The following GRID2 variants were observed in gnomAD, a reference collection of about 807,000 sequenced individuals.
The protein encoded by GRID2 is glutamate receptor ionotropic, delta-2.
In GRID2, 33 loss-of-function variants were observed where a neutral mutation model predicts 114.8. The ratio of observed to expected loss-of-function variants is 0.29; its 90% CI spans 0.22 to 0.38. The LOEUF is 0.38. Among genes scored for constraint, GRID2 ranks in the 10% least tolerant of loss-of-function variants. The pLI, the probability that GRID2 is intolerant of heterozygous loss-of-function variation, is 1.00. For synonymous variants in GRID2, 505 were observed against 449.9 expected (o/e 1.12, Z -1.55); for missense variants, 1,184 against 1,257.7 (o/e 0.94, Z 0.89).
intron 1 of GRID2, among the ~76,000 whole-genome samples, chr4:92,382,508 G>A (rs1326993315): frequency 6.6e-6 from 1 of 151,998 alleles, no homozygotes; most frequent in Admixed American, 6.6e-5. Context: ...GTTGAAAAAT[G>A]TAGGTGTATG....
chr4:92,941,567 C>T (rs1751134558), intron 2 of GRID2, among the ~76,000 whole-genome samples: 1 of 152,022 alleles, frequency 6.6e-6, no homozygotes, highest in Non-Finnish European at 1.5e-5. Context: ...TCTCTATTTC[C>T]TTCAGTTCTG....
At chr4:93,567,852 C>A (rs1735581927) in intron 13 of GRID2, among the ~76,000 whole-genome samples, 1 of 152,168 alleles carries the variant, frequency 6.6e-6, no homozygotes, top group African/African-American at 2.4e-5. Context: ...AGTGAAAATG[C>A]ATTTGGATTT....
intron 2 of GRID2, chr4:92,822,399 T>TC: frequency 1.7e-6 from 1 of 591,502 alleles, no homozygotes; most frequent in East Asian, 4.4e-5. Flanking sequence ...TTAGCCAGAT[T>TC]CCGTACCTTG....
At chr4:93,139,559 C>A (rs1264370447) in intron 4 of GRID2, among the ~76,000 whole-genome samples, 1 of 152,190 alleles carries the variant, frequency 6.6e-6, no homozygotes, top group Non-Finnish European at 1.5e-5. Context: ...TCCATACTGT[C>A]CTATTATAAC....
At chr4:92,523,979 G>A (rs779649829) in intron 1 of GRID2, among the ~76,000 whole-genome samples, 1 of 151,966 alleles carries the variant, frequency 6.6e-6, no homozygotes, top group Admixed American at 6.6e-5. Flanking sequence ...TCCCATAGAA[G>A]GTAAGATGTG....
intron 12 of GRID2, among the ~76,000 whole-genome samples, chr4:93,491,543 G>T (rs1397534285): frequency 6.6e-6 from 1 of 151,758 alleles, no homozygotes; most frequent in Non-Finnish European, 1.5e-5. Context: ...TGCCTTATTA[G>T]AACATAATGT....
At chr4:93,477,345 T>C (rs1331935080) in intron 11 of GRID2, among the ~76,000 whole-genome samples, 1 of 152,140 alleles carries the variant, frequency 6.6e-6, no homozygotes, top group African/African-American at 2.4e-5. Context: ...AATTTCAGTA[T>C]GAATGTTCGG....
intron 2 of GRID2, among the ~76,000 whole-genome samples, chr4:92,783,033 G>A (rs1173841598): frequency 1.3e-5 from 2 of 152,010 alleles, no homozygotes; most frequent in African/African-American, 4.8e-5. Flanking sequence ...TATTATCAAT[G>A]TGTTGGTAAA....
At chr4:93,463,716 G>A (rs951328103) in intron 11 of GRID2, among the ~76,000 whole-genome samples, 8 of 151,660 alleles carry the variant, frequency 5.3e-5, no homozygotes, top group Middle Eastern at 3.6e-3. Flanking sequence ...CTGGCTGGGC[G>A]CGGTGGCTCA....
chr4:93,593,017 C>T (rs1338065417), intron 13 of GRID2, among the ~76,000 whole-genome samples: 1 of 151,636 alleles, frequency 6.6e-6, no homozygotes, highest in East Asian at 1.9e-4. Flanking sequence ...ATCCAATTTG[C>T]CAGTCTGTGT....
chr4:92,803,300 A>G (rs1022077429), intron 2 of GRID2, among the ~76,000 whole-genome samples: 1 of 152,014 alleles, frequency 6.6e-6, no homozygotes, highest in Non-Finnish European at 1.5e-5. Flanking sequence ...GGTGTAATTC[A>G]GGAGTTTTCC....
intron 1 of GRID2, among the ~76,000 whole-genome samples, chr4:93,781,066 G>C (rs1397626557): frequency 2.0e-5 from 3 of 152,204 alleles, no homozygotes; most frequent in Admixed American, 6.5e-5. Context: ...AAATTCAGAT[G>C]CCAGAAAGAT....
At chr4:92,800,798 T>G (rs1033648302) in intron 2 of GRID2, among the ~76,000 whole-genome samples, 2 of 151,942 alleles carry the variant, frequency 1.3e-5, no homozygotes, top group Non-Finnish European at 2.9e-5. Flanking sequence ...CTTGGACAGA[T>G]TTAGACCCAA....
intron 4 of GRID2, among the ~76,000 whole-genome samples, chr4:93,136,861 C>T (rs1298788158): frequency 6.6e-6 from 1 of 152,004 alleles, no homozygotes; most frequent in Non-Finnish European, 1.5e-5. Context: ...AAATACTATC[C>T]AAATCTTAAA....
intron 4 of GRID2, among the ~76,000 whole-genome samples, chr4:93,174,175 TG>T (rs1437239343): frequency 1.3e-5 from 2 of 152,174 alleles, no homozygotes; most frequent in Non-Finnish European, 1.5e-5. Context: ...GCAGTGTTAT[TG>T]TATGTGTAGT....
chr4:92,928,764 A>G (rs1051759087), intron 2 of GRID2, among the ~76,000 whole-genome samples: 2 of 151,630 alleles, frequency 1.3e-5, no homozygotes, highest in African/African-American at 4.8e-5. Flanking sequence ...CATAGGTAAG[A>G]GATGTTTCCC....
intron 1 of GRID2, among the ~76,000 whole-genome samples, chr4:92,546,787 G>GA (rs1284525581): frequency 3.3e-5 from 5 of 152,028 alleles, no homozygotes; most frequent in Admixed American, 3.3e-4. Context: ...GCCTACAAAG[G>GA]AAAAAATAAT....
chr4:93,715,774 T>C (rs895564429), intron 14 of GRID2, among the ~76,000 whole-genome samples: 1 of 152,198 alleles, frequency 6.6e-6, no homozygotes, highest in Non-Finnish European at 1.5e-5. Context: ...TTTTTGCACA[T>C]TGATTTTGTA....
At chr4:93,597,485 G>A (rs67004210) in intron 13 of GRID2, among the ~76,000 whole-genome samples, 10,285 of 152,138 alleles carry the variant, frequency 0.068, 637 homozygotes, top group African/African-American at 0.16. Context: ...TTTAGTTTAT[G>A]TATGAGATTG....
Sources: allele counts gnomAD v4.1 joint callset (sites outside exome capture counted in the v4.1 genomes callset), GRCh38; gene constraint gnomAD v4.1.1; transcripts MANE v1.5; gene names NCBI Gene and HGNC (gene_info 2026-07-23, HGNC 2026-07-21).